Variants in RASAL2 observed in about 807,000 individuals in gnomAD.
RASAL2 encodes the protein RAS protein activator like 2, also known as ras GTPase-activating protein nGAP.
RASAL2 carries 58 observed loss-of-function variants against 128.9 expected under a neutral mutation model. The ratio of observed to expected loss-of-function variants is 0.45; its 90% confidence interval spans 0.36 to 0.56. RASAL2 has a LOEUF of 0.56. Among genes scored for constraint, RASAL2 ranks in the 20% least tolerant of loss-of-function variants. RASAL2 has a pLI of 0.00. For synonymous variants in RASAL2, 561 were observed against 580.8 expected (o/e 0.97, Z 0.49); for missense variants, 1,360 against 1,601.6 (o/e 0.85, Z 2.57).
At chr1:178,329,050 C>T (rs917605416) in intron 3 of RASAL2, among the ~76,000 whole-genome samples, 21 of 152,316 alleles carry the variant, frequency 1.4e-4, no homozygotes, top group African/African-American at 5.1e-4. Flanking sequence ...ATGTGCCACA[C>T]ACTGTTCTGG....
chr1:178,157,975 T>C (rs766240026), intron 1 of RASAL2, among the ~76,000 whole-genome samples: 2 of 152,222 alleles, frequency 1.3e-5, no homozygotes, highest in African/African-American at 2.4e-5. Flanking sequence ...CTAGGATTGC[T>C]CTTCATCTTC....
intron 4 of RASAL2, among the ~76,000 whole-genome samples, chr1:178,408,446 C>T (rs1244459080): frequency 6.6e-6 from 1 of 152,072 alleles, no homozygotes; most frequent in Non-Finnish European, 1.5e-5. Flanking sequence ...TCAGTGACCA[C>T]AGAATCAGTT....
intron 1 of RASAL2, among the ~76,000 whole-genome samples, chr1:178,171,981 C>T (rs1484265563): frequency 2.0e-5 from 3 of 151,932 alleles, no homozygotes; most frequent in Admixed American, 6.6e-5. Context: ...ACCAACGTTT[C>T]CCTTTCCTTT....
At chr1:178,338,892 G>C (rs1669727277) in intron 3 of RASAL2, among the ~76,000 whole-genome samples, 1 of 152,176 alleles carries the variant, frequency 6.6e-6, no homozygotes, top group Admixed American at 6.5e-5. Context: ...TCAGTATATT[G>C]TTCCAATAAA....
chr1:178,122,829 T>C (rs1349020971), intron 1 of RASAL2, among the ~76,000 whole-genome samples: 1 of 62,756 alleles, frequency 1.6e-5, no homozygotes, highest in Non-Finnish European at 2.9e-5. Context: ...TCTGTAATAC[T>C]TACTTTCCAT....
intron 3 of RASAL2, among the ~76,000 whole-genome samples, chr1:178,307,096 C>T (rs1397477812): frequency 6.6e-6 from 1 of 151,216 alleles, no homozygotes; most frequent in African/African-American, 2.4e-5. Context: ...CATGTGCAGT[C>T]TAATCATTAT....
intron 1 of RASAL2, among the ~76,000 whole-genome samples, chr1:178,249,865 A>G (rs1328156489): frequency 6.6e-6 from 1 of 152,126 alleles, no homozygotes; most frequent in Non-Finnish European, 1.5e-5. Flanking sequence ...TCCACTCCAG[A>G]CCGTTTGCCT....
intron 5 of RASAL2, among the ~76,000 whole-genome samples, chr1:178,427,648 C>G (rs1164313205): frequency 6.6e-6 from 1 of 152,038 alleles, no homozygotes; most frequent in Non-Finnish European, 1.5e-5. Context: ...GTTCTGTAGA[C>G]TCTTCCCCCC....
chr1:178,429,945 G>A (rs1401688861), intron 5 of RASAL2, among the ~76,000 whole-genome samples: 1 of 151,926 alleles, frequency 6.6e-6, no homozygotes, highest in Non-Finnish European at 1.5e-5. Flanking sequence ...TAGACTAAGT[G>A]CCTACCCCAC....
chr1:178,125,189 A>G (rs1407832606), intron 1 of RASAL2: 1 of 152,194 alleles, frequency 6.6e-6, no homozygotes, highest in Admixed American at 6.5e-5. Flanking sequence ...TCTGTGGCAT[A>G]TGTATAGTAA....
At chr1:178,392,381 G>A (rs1672968925) in intron 4 of RASAL2, among the ~76,000 whole-genome samples, 1 of 152,150 alleles carries the variant, frequency 6.6e-6, no homozygotes, top group Non-Finnish European at 1.5e-5. Context: ...GATGCTTCCA[G>A]GGATTATAGA....
intron 3 of RASAL2, among the ~76,000 whole-genome samples, chr1:178,303,696 C>T (rs1667867385): frequency 6.6e-6 from 1 of 151,458 alleles, no homozygotes; most frequent in Admixed American, 6.6e-5. Flanking sequence ...AATGAAAAGG[C>T]AAACCACAGA....
At chr1:178,201,794 A>G (rs772309377) in intron 1 of RASAL2, among the ~76,000 whole-genome samples, 15 of 152,232 alleles carry the variant, frequency 9.9e-5, no homozygotes, top group Non-Finnish European at 2.2e-4. Flanking sequence ...CTTAATTTAT[A>G]TAAGCAGAAA....
At chr1:178,176,788 G>A (rs1351427113) in intron 1 of RASAL2, among the ~76,000 whole-genome samples, 1 of 151,986 alleles carries the variant, frequency 6.6e-6, no homozygotes, top group Non-Finnish European at 1.5e-5. Context: ...TGAGACTACA[G>A]GCGTGTGCCA....
Position 178,422,105 on chromosome 1 carries a change from T to C in RASAL2, c.674+1485T>C, listed in dbSNP as rs370578059. ...ATTTCTTAAACTCTGCAGCATCATA[T>C]AGAAACTTGGGAGACAAGATTTTTT... On this transcript the variant is annotated intron_variant, in intron 5 of 17. Transcript: ENST00000367649. 3.9e-4 allele frequency among the ~76,000 whole-genome samples: 60 copies of C among 152,132 alleles called. 1 individual carries two copies. In the South Asian group the frequency reaches 0.012, roughly 31 times the overall value.
At chr1:178,405,055 A>G (rs973815548) in intron 4 of RASAL2, among the ~76,000 whole-genome samples, 1 of 152,192 alleles carries the variant, frequency 6.6e-6, no homozygotes, top group African/African-American at 2.4e-5. Flanking sequence ...AAGGATGACA[A>G]CGAATTCAGT....
intron 1 of RASAL2, among the ~76,000 whole-genome samples, chr1:178,143,350 A>G (rs138705108): frequency 2.6e-5 from 4 of 152,128 alleles, no homozygotes; most frequent in South Asian, 4.1e-4. Flanking sequence ...TATTTGCCCT[A>G]TTGTGAGTGA....
At chr1:178,343,031 T>C (rs139224006) in intron 3 of RASAL2, among the ~76,000 whole-genome samples, 3 of 152,320 alleles carry the variant, frequency 2.0e-5, no homozygotes, top group Non-Finnish European at 4.4e-5. Flanking sequence ...GGCCACACTA[T>C]TCTAGTGAGC....
At chr1:178,444,531 A>G (rs1359648377) in intron 8 of RASAL2, among the ~76,000 whole-genome samples, 2 of 152,188 alleles carry the variant, frequency 1.3e-5, no homozygotes, top group Admixed American at 1.3e-4. Context: ...TGAAATATCC[A>G]ATAATTATAT....
Sources: allele counts gnomAD v4.1 joint callset (sites outside exome capture counted in the v4.1 genomes callset), GRCh38; gene constraint gnomAD v4.1.1; transcripts MANE v1.5; gene names NCBI Gene and HGNC (gene_info 2026-07-23, HGNC 2026-07-21).